Variants in UNC13C observed in about 807,000 individuals in gnomAD.
UNC13C encodes the protein unc-13 homolog C.
A neutral mutation model predicts 245.4 loss-of-function variants in UNC13C; 174 were observed. The ratio of observed to expected loss-of-function variants is 0.71; its 90% CI spans 0.63 to 0.80. The LOEUF (loss-of-function observed/expected upper bound fraction) is 0.80, where lower values mean the gene tolerates loss of function less well. Ranked by LOEUF, UNC13C falls within the 30% of genes least tolerant of loss-of-function variation. UNC13C has a pLI of 0.00. For synonymous variants in UNC13C, 992 were observed against 895.1 expected, an observed-to-expected ratio of 1.11 and a Z score of -1.93; for missense variants, 2,829 against 2,602.9, an observed-to-expected ratio of 1.09 and a Z score of -1.89.
chr15:54,435,185 A>T (rs990581447), intron 19 of UNC13C, among the ~76,000 whole-genome samples: 40 of 152,040 alleles, frequency 2.6e-4, no homozygotes, highest in Admixed American at 6.6e-5. Flanking sequence ...TTCCTCAAAG[A>T]TCTAGAACCA....
At chr15:54,045,977 G>C (rs149758837) in intron 2 of UNC13C, among the ~76,000 whole-genome samples, 16 of 152,108 alleles carry the variant, frequency 1.1e-4, no homozygotes, top group Middle Eastern at 3.4e-3. Flanking sequence ...ATAGATTCCA[G>C]ATTCATTCGG....
chr15:54,457,144 T>C (rs114856683), intron 19 of UNC13C, among the ~76,000 whole-genome samples: 2,207 of 152,260 alleles, frequency 0.014, 45 homozygotes, highest in African/African-American at 0.049. Context: ...ATCATATGAT[T>C]ATTGTTTTTA....
intron 30 of UNC13C, among the ~76,000 whole-genome samples, chr15:54,587,231 C>T (rs1898541275): frequency 6.6e-6 from 1 of 152,004 alleles, no homozygotes; most frequent in East Asian, 1.9e-4. Context: ...ACTTAGATTT[C>T]AATTTCAAAC....
At chr15:54,262,694 T>A (rs953648508) in intron 8 of UNC13C, among the ~76,000 whole-genome samples, 1 of 152,222 alleles carries the variant, frequency 6.6e-6, no homozygotes, top group African/African-American at 2.4e-5. Context: ...TCCTTTTTTT[T>A]AAATGTCGTT....
intron 10 of UNC13C, among the ~76,000 whole-genome samples, chr15:54,270,857 G>A (rs533310507): frequency 6.6e-6 from 1 of 152,074 alleles, no homozygotes; most frequent in Non-Finnish European, 1.5e-5. Flanking sequence ...AGCAGAAATT[G>A]GGAAGTGTGA....
chr15:54,086,865 A>G (rs925911982), intron 2 of UNC13C, among the ~76,000 whole-genome samples: 7 of 150,956 alleles, frequency 4.6e-5, no homozygotes, highest in Admixed American at 3.3e-4. Flanking sequence ...CCTCCAGAGA[A>G]GCTGGGATTA....
At chr15:54,460,403 A>G (rs1299487485) in intron 19 of UNC13C, among the ~76,000 whole-genome samples, 1 of 152,178 alleles carries the variant, frequency 6.6e-6, no homozygotes, top group Admixed American at 6.5e-5. Flanking sequence ...ACTTCAACAG[A>G]CTCAGGACCT....
intron 30 of UNC13C, among the ~76,000 whole-genome samples, chr15:54,590,285 T>C (rs1457645234): frequency 6.6e-6 from 1 of 152,178 alleles, no homozygotes; most frequent in African/African-American, 2.4e-5. Context: ...CTTATTTAGT[T>C]CCATATGAAT....
At chr15:53,932,179 C>A in the UNC13C span, among the ~76,000 whole-genome samples, 1 of 151,924 alleles carries the variant, frequency 6.6e-6, no homozygotes, top group Non-Finnish European at 1.5e-5. Context: ...CGTGGTGGCA[C>A]GTGCCTGTAG....
intron 8 of UNC13C, among the ~76,000 whole-genome samples, chr15:54,261,412 G>C (rs8028896): frequency 0.15 from 22,830 of 152,202 alleles, 1,827 homozygotes; most frequent in African/African-American, 0.19. Context: ...GAAAGTACTT[G>C]TAAATCAGTG....
At chr15:54,505,021 C>G (rs1248086020) in intron 22 of UNC13C, among the ~76,000 whole-genome samples, 2 of 152,148 alleles carry the variant, frequency 1.3e-5, no homozygotes, top group Non-Finnish European at 2.9e-5. Flanking sequence ...GAATCACTCT[C>G]TGTACTGCCA....
At chr15:54,365,001 A>G (rs1386500417) in intron 17 of UNC13C, among the ~76,000 whole-genome samples, 1 of 152,232 alleles carries the variant, frequency 6.6e-6, no homozygotes, top group African/African-American at 2.4e-5. Flanking sequence ...TTAGATTGCA[A>G]AGTAGCCCCT....
At chr15:54,107,048 C>T (rs1204554499) in intron 2 of UNC13C, among the ~76,000 whole-genome samples, 1 of 152,144 alleles carries the variant, frequency 6.6e-6, no homozygotes, top group Non-Finnish European at 1.5e-5. Context: ...CAGTAGGTAT[C>T]ATGTGACCAT....
At chr15:54,516,816 T>G (rs1447950456) in intron 24 of UNC13C, among the ~76,000 whole-genome samples, 1 of 78,084 alleles carries the variant, frequency 1.3e-5, no homozygotes, top group Admixed American at 1.3e-4. Flanking sequence ...AAAAAAAGTA[T>G]CAGATAATTA....
chr15:54,156,117 A>C (rs2032734051), intron 4 of UNC13C, among the ~76,000 whole-genome samples: 1 of 152,226 alleles, frequency 6.6e-6, no homozygotes, highest in Non-Finnish European at 1.5e-5. Flanking sequence ...ACGGGGAAGA[A>C]ACTGATGGAT....
chr15:54,349,912 C>T (rs570644524), intron 17 of UNC13C, among the ~76,000 whole-genome samples: 1 of 151,896 alleles, frequency 6.6e-6, no homozygotes, highest in South Asian at 2.1e-4. Context: ...TACATAGTAA[C>T]ATGGATAAAA....
At chr15:54,567,563 A>G (rs1897567841) in intron 29 of UNC13C, among the ~76,000 whole-genome samples, 1 of 152,204 alleles carries the variant, frequency 6.6e-6, no homozygotes, top group Admixed American at 6.5e-5. Flanking sequence ...TGCATAAGAG[A>G]TAAAGGCTTA....
chr15:54,388,643 C>A (rs540219301), intron 17 of UNC13C, among the ~76,000 whole-genome samples: 68 of 152,290 alleles, frequency 4.5e-4, no homozygotes, highest in African/African-American at 1.6e-3. Flanking sequence ...TCCACATAGA[C>A]TCCGGATCTC....
chr15:54,576,393 G>A (rs1051671570), intron 30 of UNC13C, among the ~76,000 whole-genome samples: 2 of 152,094 alleles, frequency 1.3e-5, no homozygotes, highest in Admixed American at 1.3e-4. Flanking sequence ...CTACATGTTA[G>A]TATCACTGAA....
Sources: gnomAD v4.1 joint callset for allele counts (sites outside exome capture counted in the v4.1 genomes callset) on GRCh38, gnomAD v4.1.1 for gene constraint, MANE v1.5 for transcripts, NCBI Gene and HGNC (gene_info 2026-07-23, HGNC 2026-07-21) for gene names.